HTATSF1: variants seen among roughly 807,000 people sequenced by gnomAD.
HTATSF1 encodes the protein HIV-1 Tat specific factor 1, also known as 17S U2 SnRNP complex component HTATSF1.
HTATSF1 carries 6 observed loss-of-function variants against 46.1 expected under a neutral mutation model. The ratio of observed to expected loss-of-function variants is 0.13; its 90% CI spans 0.07 to 0.26. The LOEUF (loss-of-function observed/expected upper bound fraction) is 0.26. Ranked by LOEUF, HTATSF1 falls within the 10% of genes least tolerant of loss-of-function variation. HTATSF1 has a pLI of 1.00. For missense variants in HTATSF1, 452 were observed against 559.9 expected, an observed-to-expected ratio of 0.81 and a Z score of 1.94; for synonymous variants, 226 against 211.5, an observed-to-expected ratio of 1.07 and a Z score of -0.60.
chrX:136,502,686 A>G (rs1046071260), intron 4 of HTATSF1, 92 bp from the exon 5 acceptor site: 15 of 382,257 alleles, frequency 3.9e-5, no homozygotes, highest in Non-Finnish European at 4.6e-5. Context: ...AAGAATTTAA[A>G]TTATTTTATG....
At chrX:136,505,364 C>CT (rs1474880313) in intron 6 of HTATSF1, among the ~76,000 whole-genome samples, 1 of 111,634 alleles carries the variant, frequency 9.0e-6, no homozygotes, top group Non-Finnish European at 1.9e-5. Flanking sequence ...CAGTTCAGCT[C>CT]TATCTCAATG....
chrX:136,499,940 T>A (rs2075710515), intron 2 of HTATSF1, among the ~76,000 whole-genome samples, 162 bp downstream of exon 2: 1 of 111,904 alleles, frequency 8.9e-6, no homozygotes, highest in Admixed American at 9.4e-5. Context: ...ACTGGCCATC[T>A]TTTTTCCAGA....
chrX:136,509,507 A>G (rs1182486140), intron 7 of HTATSF1, among the ~76,000 whole-genome samples: 2 of 111,720 alleles, frequency 1.8e-5, no homozygotes, highest in African/African-American at 3.3e-5. Flanking sequence ...CTCATCCTCC[A>G]TATTTGGAAC....
intron 6 of HTATSF1, among the ~76,000 whole-genome samples, chrX:136,507,883 A>C (rs919467952): frequency 1.6e-4 from 18 of 109,878 alleles, no homozygotes; most frequent in Non-Finnish European, 2.5e-4. Context: ...AGCTAACCCC[A>C]CACACACACA....
intron 4 of HTATSF1, 88 bp downstream of exon 4, chrX:136,500,906 C>T (rs1226115868): frequency 5.7e-5 from 35 of 612,557 alleles, no homozygotes; most frequent in Non-Finnish European, 8.4e-5. Flanking sequence ...TAACCAACAC[C>T]AAGAACTGTT....
Position 136,510,097 on chromosome X carries a change from G to A in HTATSF1, c.940G>A (p.Val314Met). ...LLLFDRHPDG[V>M]ASVSFRDPEE... is the part of the protein sequence containing the mutation. ...ATCTTTCTAGAGGCACCCAGATGGTGTGGCCTCTGTGTCCTTTCGGGATCC... is the reference window on the plus strand; with the variant it reads ...ATCTTTCTAGAGGCACCCAGATGGTATGGCCTCTGTGTCCTTTCGGGATCC... Residue 314 changes from valine to methionine, a missense_variant, in exon 8 of 9, where the codon GTG becomes ATG. By Grantham distance (21) the Val-to-Met change is conservative (BLOSUM62 1). Coordinates refer to ENST00000218364, the MANE Select transcript of HTATSF1 (RefSeq NM_014500.5). 1 of 1,203,433 alleles carries A rather than the reference G, an allele frequency of 8.3e-7. No individual in the cohort carries two copies. The highest frequency in any genetic ancestry group is 1.1e-6 in the Non-Finnish European group (1 of 890,385).
chrX:136,508,495 A>G (rs1329280504), intron 6 of HTATSF1, among the ~76,000 whole-genome samples: 1 of 112,548 alleles, frequency 8.9e-6, no homozygotes, highest in African/African-American at 3.2e-5. Flanking sequence ...GCAACAGCTA[A>G]GAATGTATTT....
intron 4 of HTATSF1, among the ~76,000 whole-genome samples, chrX:136,502,305 T>C (rs1178855095): frequency 2.7e-5 from 3 of 112,060 alleles, no homozygotes; most frequent in African/African-American, 6.5e-5. Context: ...AAGAGTATTA[T>C]AGAATTTTAA....
chrX:136,498,427 A>G (rs1170759575), intron 1 of HTATSF1, among the ~76,000 whole-genome samples: 5 of 112,460 alleles, frequency 4.4e-5, no homozygotes, highest in Non-Finnish European at 9.4e-5. Context: ...AAATCTGTGT[A>G]TGTTTGTTTG....
chrX:136,509,902 G>T (rs1190997601), intron 7 of HTATSF1, among the ~76,000 whole-genome samples, 180 bp from the exon 8 acceptor site: 2 of 112,336 alleles, frequency 1.8e-5, no homozygotes, highest in African/African-American at 6.5e-5. Flanking sequence ...TAAGATTGAG[G>T]TAAAGAAGCA....
chrX:136,504,943 AC>A, intron 6 of HTATSF1, among the ~76,000 whole-genome samples: 1 of 112,406 alleles, frequency 8.9e-6, no homozygotes, highest in East Asian at 2.8e-4. Context: ...TTATGTATCA[AC>A]TTTTTTAAGT....
chrX:136,505,780 C>T (rs2075739404), intron 6 of HTATSF1, among the ~76,000 whole-genome samples: 2 of 111,188 alleles, frequency 1.8e-5, no homozygotes, highest in Non-Finnish European at 3.8e-5. Context: ...GAGCGAGACT[C>T]CATCTCAAAA....
At chrX:136,497,950 C>A in intron 1 of HTATSF1, 80 bp downstream of exon 1, 1 of 807,346 alleles carries the variant, frequency 1.2e-6, no homozygotes, top group Non-Finnish European at 1.7e-6. Context: ...GTTTGCTTTG[C>A]TGAGATCCTT....
rs982510384 is a variant in HTATSF1 at position 136,507,642 on chromosome X, C to T, written c.835-1449C>T. Among the ~76,000 whole-genome samples, 7 of 109,742 alleles carry T rather than the reference C, an allele frequency of 6.4e-5. No individual in the cohort carries two copies. In the East Asian group the frequency reaches 1.4e-3, roughly 22 times the overall value. On this transcript the variant is annotated intron_variant, in intron 6 of 8. Coordinates refer to ENST00000218364, the MANE Select transcript of HTATSF1 (RefSeq NM_014500.5). ...GATGCCTACCCCCACCATGGAATCA[C>T]GCTTCAATTTAAAAGTTGTTAAACA...
At chrX:136,505,147 C>G (rs2075736181) in intron 6 of HTATSF1, among the ~76,000 whole-genome samples, 1 of 112,018 alleles carries the variant, frequency 8.9e-6, no homozygotes, top group Non-Finnish European at 1.9e-5. Flanking sequence ...TATTCTCTCC[C>G]TGGTTCTGAA....
At chrX:136,506,943 G>A (rs1002074348) in intron 6 of HTATSF1, among the ~76,000 whole-genome samples, 2 of 112,363 alleles carry the variant, frequency 1.8e-5, no homozygotes, top group Non-Finnish European at 3.8e-5. Flanking sequence ...CTTCTACTAG[G>A]CACATGTAGC....
intron 5 of HTATSF1, among the ~76,000 whole-genome samples, chrX:136,503,415 T>A (rs948934036): frequency 4.5e-5 from 5 of 112,328 alleles, no homozygotes; most frequent in Admixed American, 9.4e-5. Flanking sequence ...TTTAATATAC[T>A]TTGAAATATA....
chrX:136,507,573 AG>A (rs1030459994), intron 6 of HTATSF1, among the ~76,000 whole-genome samples: 2 of 109,817 alleles, frequency 1.8e-5, no homozygotes, highest in African/African-American at 6.6e-5. Context: ...AAAAAAAAAA[AG>A]AAAGAAAGCA....
At chrX:136,497,929 A>G (rs1416675801) in intron 1 of HTATSF1, 59 bp downstream of exon 1, 1 of 930,411 alleles carries the variant, frequency 1.1e-6, no homozygotes, top group African/African-American at 2.0e-5. Flanking sequence ...CTCGCGGGGC[A>G]CTCCTTTTAC....
Sources: allele counts gnomAD v4.1 joint callset (sites outside exome capture counted in the v4.1 genomes callset), GRCh38; gene constraint gnomAD v4.1.1; transcripts MANE v1.5; gene names NCBI Gene and HGNC (gene_info 2026-07-23, HGNC 2026-07-21).